Variants in GABRR2 observed in about 807,000 individuals in gnomAD.
GABRR2 encodes the protein gamma-aminobutyric acid type A receptor subunit rho2, also known as gamma-aminobutyric acid receptor subunit rho-2.
GABRR2 carries 36 observed loss-of-function variants against 47.0 expected under a neutral mutation model. The ratio of observed to expected loss-of-function variants is 0.77; its 90% confidence interval spans 0.59 to 1.01. The LOEUF (loss-of-function observed/expected upper bound fraction) is 1.01, where lower values mean the gene tolerates loss of function less well. GABRR2 is among the 50% of genes least tolerant of loss of function. The pLI is 0.00. For missense variants in GABRR2, 587 were observed against 594.6 expected (o/e 0.99, Z 0.13); for synonymous variants, 204 against 227.5 (o/e 0.90, Z 0.93).
intron 2 of GABRR2, among the ~76,000 whole-genome samples, chr6:89,290,514 T>C (rs1249918578): frequency 6.6e-6 from 1 of 152,194 alleles, no homozygotes; most frequent in East Asian, 1.9e-4. Context: ...AGACAGTGAT[T>C]CTGGGGCCCA....
Position 89,315,132 on chromosome 6 carries a change from AC to A in GABRR2, c.33del (p.Leu11PhefsTer4). On this transcript the variant is annotated frameshift_variant, in exon 1 of 9. Coordinates refer to ENST00000402938, the MANE Select transcript of GABRR2 (RefSeq NM_002043.5). LOFTEE classifies it high-confidence loss of function. MPYFTRLILFLFCLMVLVESR... is the reference protein window; with the variant it reads MPYFTRLILFXFCLMVLVESR... ...CTCTCCACGAGAACCATCAAGCAAA[AC>A]AAGAACAAAATGAGTCTTGTAAAAT... is the stretch of plus-strand genomic sequence containing the variant. The A allele has an allele frequency of 6.2e-7, 1 of 1,613,872 alleles. No individual in the cohort carries two copies. The highest frequency in any genetic ancestry group is 8.5e-7 in the Non-Finnish European group (1 of 1,179,872).
At chr6:89,281,717 A>G (rs953412429) in intron 2 of GABRR2, among the ~76,000 whole-genome samples, 1 of 152,092 alleles carries the variant, frequency 6.6e-6, no homozygotes, top group African/African-American at 2.4e-5. Flanking sequence ...GACCTGTGGC[A>G]CAGAGGCAAA....
chr6:89,293,423 G>A (rs1774503087), intron 2 of GABRR2, among the ~76,000 whole-genome samples: 1 of 152,102 alleles, frequency 6.6e-6, no homozygotes, highest in South Asian at 2.1e-4. Flanking sequence ...CCACTGAACT[G>A]TACACTCAAA....
chr6:89,302,200 G>T (rs981370610), intron 1 of GABRR2: 11 of 557,624 alleles, frequency 2.0e-5, no homozygotes, highest in Non-Finnish European at 3.6e-5. Flanking sequence ...CGCTGGGCGG[G>T]GGCACAAGCT....
At chr6:89,289,562 C>T (rs1774399618) in intron 2 of GABRR2, among the ~76,000 whole-genome samples, 1 of 152,134 alleles carries the variant, frequency 6.6e-6, no homozygotes, top group African/African-American at 2.4e-5. Context: ...GATTCCTTCA[C>T]CCTCCAAGAT....
intron 2 of GABRR2, among the ~76,000 whole-genome samples, chr6:89,272,132 G>T (rs557570243): frequency 1.4e-4 from 21 of 152,308 alleles, no homozygotes; most frequent in African/African-American, 4.8e-4. Context: ...CTCTGGGCTG[G>T]GCACCTGCAT....
intron 2 of GABRR2, among the ~76,000 whole-genome samples, chr6:89,286,821 C>T (rs1242238395): frequency 6.6e-6 from 1 of 152,098 alleles, no homozygotes; most frequent in African/African-American, 2.4e-5. Flanking sequence ...GTCATGGTGT[C>T]AGGTTGCGGC....
chr6:89,291,087 T>A (rs1346406824), intron 2 of GABRR2, among the ~76,000 whole-genome samples: 2 of 152,198 alleles, frequency 1.3e-5, no homozygotes, highest in Admixed American at 1.3e-4. Context: ...CTCAGTGCTC[T>A]ATCTCAGTGA....
Position 89,264,406 on chromosome 6 carries a change from T to C in GABRR2, c.1086+6A>G. The C allele has an allele frequency of 6.2e-7, 1 of 1,612,380 alleles. No homozygotes were observed. Among genetic ancestry groups the C allele is most frequent in the Non-Finnish European group, 8.5e-7 (1 of 1,179,136 alleles). The stretch of plus-strand genomic sequence containing the variant: ...ACTTAGACAAGGGCCGAAGAAGCCC[T>C]CTCACCTTCTCCCGCAGCTTCCGTT... On this transcript the variant is annotated splice_donor_region_variant and intron_variant, in intron 8 of 8. Coordinates refer to ENST00000402938, the MANE Select transcript of GABRR2 (RefSeq NM_002043.5).
At chr6:89,285,952 C>T (rs1774328933) in intron 2 of GABRR2, among the ~76,000 whole-genome samples, 1 of 151,924 alleles carries the variant, frequency 6.6e-6, no homozygotes. Context: ...TCGCCCGACT[C>T]CTCCTCTCCC....
intron 2 of GABRR2, among the ~76,000 whole-genome samples, chr6:89,272,008 G>C (rs1001327458): frequency 1.3e-5 from 2 of 152,318 alleles, no homozygotes; most frequent in South Asian, 4.1e-4. Flanking sequence ...TTACATCCCA[G>C]GGCTGTCTCT....
At chr6:89,299,912 T>G in intron 1 of GABRR2, 47 bp from the exon 2 acceptor site, 1 of 1,215,314 alleles carries the variant, frequency 8.2e-7, no homozygotes, top group Non-Finnish European at 1.2e-6. Context: ...CTTCAATGCA[T>G]TGAGTGAGAT....
intron 1 of GABRR2, among the ~76,000 whole-genome samples, chr6:89,311,229 C>T (rs781421180): frequency 5.3e-5 from 8 of 152,166 alleles, no homozygotes; most frequent in South Asian, 2.1e-4. Flanking sequence ...GACATTAAAC[C>T]GTAAGTGCAG....
At chr6:89,259,465 T>G (rs1391732130) in intron 8 of GABRR2, among the ~76,000 whole-genome samples, 1 of 152,122 alleles carries the variant, frequency 6.6e-6, no homozygotes, top group Non-Finnish European at 1.5e-5. Flanking sequence ...TATTAGTTTC[T>G]GTGTCTTTTT....
chr6:89,276,498 G>A (rs1455004021), intron 2 of GABRR2, among the ~76,000 whole-genome samples: 1 of 151,948 alleles, frequency 6.6e-6, no homozygotes, highest in Non-Finnish European at 1.5e-5. Context: ...TGAATAGAAG[G>A]GAATTTTCTC....
chr6:89,262,375 G>A (rs1035967066), intron 8 of GABRR2, among the ~76,000 whole-genome samples: 2 of 152,120 alleles, frequency 1.3e-5, no homozygotes, highest in African/African-American at 4.8e-5. Context: ...TCTTCCTATA[G>A]CCTGTTGAAT....
intron 2 of GABRR2, among the ~76,000 whole-genome samples, chr6:89,280,718 C>G (rs1774244944): frequency 6.6e-6 from 1 of 152,202 alleles, no homozygotes; most frequent in Non-Finnish European, 1.5e-5. Context: ...TGGAAGCCAG[C>G]AGCAGAAAAA....
chr6:89,301,771 G>C (rs1254962814), intron 1 of GABRR2: 3 of 741,808 alleles, frequency 4.0e-6, no homozygotes, highest in Non-Finnish European at 7.2e-6. Flanking sequence ...CCGCCTGCCA[G>C]ACACGCCCAG....
rs1773642698 is a variant in GABRR2, at chr6:89,257,883, G to A, written c.1185C>T (p.Ser395=). The A allele has an allele frequency of 1.2e-6, 2 of 1,613,812 alleles. No individual in the cohort carries two copies. The highest frequency in any genetic ancestry group is 1.7e-6 in the Non-Finnish European group (2 of 1,179,898). The change falls in exon 9 of 9, where the codon AGC becomes AGT. Residue 395 remains serine (S), a synonymous_variant. Coordinates refer to ENST00000402938, the MANE Select transcript of GABRR2 (RefSeq NM_002043.5). ...GCCTTTCTTCTTCTGTCAGGATATG[G>A]CTTCTGGGGTACCCAGCCAGGCTGT... is the stretch of plus-strand genomic sequence containing the variant. The part of the protein sequence containing the change: ...EANSLAGYPR[S]HILTEEERQD...
Sources: allele counts gnomAD v4.1 joint callset (sites outside exome capture counted in the v4.1 genomes callset), GRCh38; gene constraint gnomAD v4.1.1; transcripts MANE v1.5; gene names NCBI Gene and HGNC (gene_info 2026-07-23, HGNC 2026-07-21).